ISCU: variants seen among roughly 807,000 people sequenced by gnomAD.
The protein encoded by ISCU is iron-sulfur cluster assembly enzyme.
ISCU carries 13 observed loss-of-function variants against 18.4 expected under a neutral mutation model. The observed-to-expected ratio is 0.71, with a 90% confidence interval of 0.46 to 1.12. ISCU has a LOEUF of 1.12. ISCU is among the 50% of genes most tolerant of loss of function. The pLI is 0.00. For missense variants in ISCU, 229 were observed against 208.7 expected, an observed-to-expected ratio of 1.10 and a Z score of -0.60; for synonymous variants, 104 against 87.5, an observed-to-expected ratio of 1.19 and a Z score of -1.06.
chr12:108,567,369 C>T, intron 4 of ISCU, 101 bp downstream of exon 4: 5 of 991,198 alleles, frequency 5.0e-6, no homozygotes, highest in Non-Finnish European at 6.4e-6. Flanking sequence ...CGTTTGTAAC[C>T]CTCAGAATTA....
At chr12:108,563,853 G>T in intron 1 of ISCU, 1 of 577,200 alleles carries the variant, frequency 1.7e-6, no homozygotes, top group South Asian at 2.0e-5. Flanking sequence ...GTCACCTTAA[G>T]GCTTCTAAGA....
At chr12:108,566,231 A>T (rs531182709) in intron 3 of ISCU, among the ~76,000 whole-genome samples, 2 of 152,374 alleles carry the variant, frequency 1.3e-5, no homozygotes, top group South Asian at 4.1e-4. Context: ...CCTGTGGCTC[A>T]CGGCCTTCTG....
chr12:108,564,455 C>A, intron 2 of ISCU, 63 bp downstream of exon 2: 1 of 1,122,292 alleles, frequency 8.9e-7, no homozygotes, highest in Non-Finnish European at 1.3e-6. Context: ...AGCACTTGCG[C>A]ATTTCACTTG....
At chr12:108,562,551 C>T, upstream of ISCU, 1 of 872,926 alleles carries the variant, frequency 1.1e-6, no homozygotes, top group Non-Finnish European at 1.6e-6. Flanking sequence ...GCGCTCCCAG[C>T]TCGGAGCCGA....
At chr12:108,568,558 C>G in intron 4 of ISCU, 4 of 1,331,442 alleles carry the variant, frequency 3.0e-6, no homozygotes, top group Non-Finnish European at 2.9e-6. Flanking sequence ...TATCCCAGTT[C>G]TATAGAAGAG....
intron 2 of ISCU, among the ~76,000 whole-genome samples, chr12:108,564,685 T>C (rs1414639667): frequency 1.3e-5 from 2 of 152,216 alleles, no homozygotes; most frequent in Non-Finnish European, 2.9e-5. Context: ...ACTAAAGAGT[T>C]TTGTGAATTT....
rs1261703827 is a variant in ISCU, at chr12:108,567,213, A to T, written c.363A>T (p.Lys121Asn). ...GKTVEEALTI[K>N]NTDIAKELCL... ...AGGTGGAGGAAGCCTTGACTATCAA[A>T]AACACAGATATCGCCAAGGAGCTCT... Residue 121 changes from lysine (K) to asparagine (N), a missense_variant, in exon 4 of 5, where the codon AAA (lysine) becomes AAT (asparagine). Physicochemically the swap from Lys to Asn is moderately conservative, Grantham distance 94. Transcript: ENST00000311893. 2 of 1,613,968 alleles carry T rather than the reference A, an allele frequency of 1.2e-6. No homozygotes were observed. The highest frequency in any genetic ancestry group is 1.7e-6 in the Non-Finnish European group (2 of 1,179,980).
intron 1 of ISCU, chr12:108,563,716 C>T: frequency 3.0e-6 from 1 of 333,716 alleles, no homozygotes; most frequent in Non-Finnish European, 5.8e-6. Context: ...GACTAGCAGC[C>T]TTTCAGCAGC....
intron 4 of ISCU, chr12:108,568,544 T>C: frequency 7.7e-7 from 1 of 1,299,884 alleles, no homozygotes; most frequent in South Asian, 1.6e-5. Flanking sequence ...AAGAAAAGCA[T>C]GATTATCCCA....
At position 108,564,312 on chromosome 12, in the gene ISCU, G is replaced by T. The variant is rs199905986; in HGVS notation, c.148G>T (p.Gly50Trp). Reference sequence around the variant, plus strand: ...TCATTATGAAAATCCTAGAAACGTGGGGTCCCTTGACAAGACATCTAAAAA... The same window carrying T: ...TCATTATGAAAATCCTAGAAACGTGTGGTCCCTTGACAAGACATCTAAAAA... ...VDHYENPRNV[G>W]SLDKTSKNVG... The change falls in exon 2 of 5, where the codon GGG (glycine) becomes TGG (tryptophan). Residue 50 changes from glycine to tryptophan, a missense_variant. Gly to Trp is a radical substitution (Grantham distance 184). Transcript: ENST00000311893. 1.2e-6 allele frequency: 2 copies of T among 1,614,066 alleles called. No homozygotes were observed. Among genetic ancestry groups the T allele is most frequent in the Admixed American group, 3.3e-5 (2 of 60,020 alleles).
In ISCU at chr12:108,568,764, A is replaced by T. The variant is rs1160721557; in HGVS notation, c.419-67A>T. 31 of 1,563,510 alleles carry T rather than the reference A, an allele frequency of 2.0e-5. No individual in the cohort carries two copies. The East Asian group carries it at 7.2e-4, about 36-fold the overall frequency. The stretch of plus-strand genomic sequence containing the variant: ...CACCACTTCCTCCCAGCTCTTAAAG[A>T]TTCTATTCCCAAGTCCATTTCTTTC... On this transcript the variant is annotated intron_variant, in intron 4 of 4. Transcript: ENST00000311893.
chr12:108,564,116 A>G (rs2030768585), intron 1 of ISCU, 163 bp from the exon 2 acceptor site: 3 of 1,613,518 alleles, frequency 1.9e-6, no homozygotes, highest in South Asian at 1.1e-5. Context: ...GGGGGTCACA[A>G]ATGGTTCTCA....
chr12:108,565,603 CATTTTT>C (rs2136715998), intron 3 of ISCU, among the ~76,000 whole-genome samples, 172 bp downstream of exon 3: 1 of 152,050 alleles, frequency 6.6e-6, no homozygotes, highest in South Asian at 2.1e-4. Flanking sequence ...TCTTGTTGAT[CATTTTT>C]ATTTTTTTGT....
At chr12:108,562,559 C>A (rs1254329345), upstream of ISCU, 15 of 951,368 alleles carry the variant, frequency 1.6e-5, no homozygotes, top group South Asian at 2.4e-5. Context: ...AGCTCGGAGC[C>A]GACTCGCAGA....
In ISCU at chr12:108,565,191, A is replaced by C. The variant is rs564749496; in HGVS notation, c.229-130A>C. ...CTCTTTGAAACAAGGCAAAGTCAGT[A>C]ATTAATGCCATCACTTAGTGTGGAA... On this transcript the variant is annotated intron_variant, in intron 2 of 4. Coordinates refer to ENST00000311893, the MANE Select transcript of ISCU (RefSeq NM_213595.4). 1.1e-5 allele frequency: 8 copies of C among 722,286 alleles called. No homozygotes were observed. The African/African-American group carries it at 1.2e-4, about 11-fold the overall frequency. The allele number at this position is 722,286 out of a possible 1,614,324, so 44.7% of individuals were successfully genotyped here. A position where few individuals can be genotyped will look rare whatever the true frequency, so the allele number is the denominator to read the frequency against.
At chr12:108,565,290 A>G (rs769820503) in intron 2 of ISCU, 31 bp from the exon 3 acceptor site, 53 of 1,507,138 alleles carry the variant, frequency 3.5e-5, no homozygotes, top group Non-Finnish European at 4.7e-5. Flanking sequence ...TGGTCCCAGG[A>G]CTCACCACTT....
chr12:108,562,521 T>C (rs1283408949), upstream of ISCU: 2 of 614,500 alleles, frequency 3.3e-6, no homozygotes, highest in East Asian at 3.5e-5. Context: ...GGCGCAAAGC[T>C]TCGGTGACGT....
In ISCU at chr12:108,562,610, G is replaced by T. The variant is rs779907763; in HGVS notation, c.-13G>T. 2 of 1,426,446 alleles carry T rather than the reference G, an allele frequency of 1.4e-6. No individual in the cohort carries two copies. Among genetic ancestry groups the T allele is most frequent in the Non-Finnish European group, 1.8e-6 (2 of 1,085,496 alleles). 88.4% of individuals were successfully genotyped at this position (1,426,446 alleles called of 1,614,324 possible). On this transcript the variant is annotated 5_prime_UTR_variant, in exon 1 of 5. Coordinates refer to ENST00000311893, the MANE Select transcript of ISCU (RefSeq NM_213595.4). ...GGCGTCGCTCTGGACTGGCGCAGGC[G>T]CAAGCCGGCAAGATGGCGGCGGCTG...
At chr12:108,566,004 C>G (rs188566862) in intron 3 of ISCU, among the ~76,000 whole-genome samples, 1 of 152,240 alleles carries the variant, frequency 6.6e-6, no homozygotes, top group Non-Finnish European at 1.5e-5. Flanking sequence ...GTGTCTTTCC[C>G]TGGTAGCTGC....
Sources: gnomAD v4.1 joint callset for allele counts (sites outside exome capture counted in the v4.1 genomes callset) on GRCh38, gnomAD v4.1.1 for gene constraint, MANE v1.5 for transcripts, NCBI Gene and HGNC (gene_info 2026-07-23, HGNC 2026-07-21) for gene names.